COL15A1: variants seen among roughly 807,000 people sequenced by gnomAD.
COL15A1 encodes collagen alpha-1(XV) chain.
A neutral mutation model predicts 165.9 loss-of-function variants in COL15A1; 111 were observed. The ratio of observed to expected loss-of-function variants is 0.67; its 90% CI spans 0.57 to 0.78. The LOEUF (loss-of-function observed/expected upper bound fraction) is 0.78. COL15A1 is among the 30% of genes least tolerant of loss of function. The probability of loss-of-function intolerance (pLI) is 0.00; values close to 1 mark genes in which losing one functional copy is unlikely to be tolerated. For synonymous variants in COL15A1, 659 were observed against 674.8 expected, an observed-to-expected ratio of 0.98 and a Z score of 0.36; for missense variants, 1,745 against 1,789.7, an observed-to-expected ratio of 0.98 and a Z score of 0.45.
chr9:99,043,591 C>T (rs1196529901), intron 24 of COL15A1, among the ~76,000 whole-genome samples: 1 of 152,128 alleles, frequency 6.6e-6, no homozygotes, highest in East Asian at 1.9e-4. Flanking sequence ...CTGGCGTGCT[C>T]AGGACTACCT....
At chr9:99,047,672 C>T in intron 26 of COL15A1, 114 bp from the exon 27 acceptor site, 1 of 1,101,500 alleles carries the variant, frequency 9.1e-7, no homozygotes, top group Non-Finnish European at 1.4e-6. Flanking sequence ...TGCCCTCCTT[C>T]CTCCTGTCAG....
chr9:99,070,693 G>T lies in COL15A1; in HGVS notation c.*807G>T, dbSNP rs1026369221. The T allele has an allele frequency of 3.9e-5, 17 of 433,272 alleles. No individual in the cohort carries two copies. The Admixed American group carries it at 4.5e-4, about 12-fold the overall frequency. 26.8% of individuals were successfully genotyped at this position (433,272 alleles called of 1,614,324 possible). A position where few individuals can be genotyped will look rare whatever the true frequency, so the allele number is the denominator to read the frequency against. On this transcript the variant is annotated 3_prime_UTR_variant, in exon 42 of 42. Coordinates refer to ENST00000375001, the MANE Select transcript of COL15A1 (RefSeq NM_001855.5). ...CTGAAACAAACAGGTTCATAGAGAT[G>T]AATTTTCTGAGAAACATATATCTAC... is the stretch of plus-strand genomic sequence containing the variant.
chr9:99,030,309 T>C (rs951924289), intron 16 of COL15A1, among the ~76,000 whole-genome samples: 4 of 152,214 alleles, frequency 2.6e-5, no homozygotes, highest in Non-Finnish European at 4.4e-5. Flanking sequence ...AATTCCAAGA[T>C]TGCATGCATG....
chr9:99,014,944 C>T (rs574249904), intron 9 of COL15A1, among the ~76,000 whole-genome samples: 26 of 152,260 alleles, frequency 1.7e-4, no homozygotes, highest in South Asian at 1.7e-3. Context: ...CATTTATCTC[C>T]GTGAGCAGAG....
chr9:99,000,638 G>A (rs1484620305), intron 6 of COL15A1, among the ~76,000 whole-genome samples: 1 of 152,218 alleles, frequency 6.6e-6, no homozygotes, highest in Non-Finnish European at 1.5e-5. Flanking sequence ...TGAGCGACTT[G>A]CCTGCAGGTG....
chr9:99,015,401 G>C lies in COL15A1; in HGVS notation c.1354-16G>C. On this transcript the variant is annotated splice_polypyrimidine_tract_variant and intron_variant, in intron 9 of 41. Transcript: ENST00000375001. ...TGGGCGAAGGGGCACAGCTCCTCAT[G>C]CCAATTTCATTTCAGGGTCCAAGCA... is the stretch of plus-strand genomic sequence containing the variant. The C allele has an allele frequency of 3.1e-6, 5 of 1,598,140 alleles. No homozygotes were observed. Among genetic ancestry groups the C allele is most frequent in the Non-Finnish European group, 4.3e-6 (5 of 1,166,838 alleles).
chr9:98,987,536 C>G (rs72737269), intron 4 of COL15A1, among the ~76,000 whole-genome samples, 168 bp downstream of exon 4: 1 of 152,288 alleles, frequency 6.6e-6, no homozygotes, highest in Non-Finnish European at 1.5e-5. Flanking sequence ...TTTTAAAGAG[C>G]ATCAGCCATC....
intron 2 of COL15A1, among the ~76,000 whole-genome samples, chr9:98,970,304 A>T (rs1838025543): frequency 6.6e-6 from 1 of 152,252 alleles, no homozygotes; most frequent in Non-Finnish European, 1.5e-5. Context: ...AGCTTCCAAT[A>T]GAGGGATCGT....
chr9:98,961,552 C>T (rs1436188418), intron 2 of COL15A1, among the ~76,000 whole-genome samples: 1 of 152,154 alleles, frequency 6.6e-6, no homozygotes, highest in African/African-American at 2.4e-5. Context: ...GAAGAGACAG[C>T]CTGAATGTGG....
intron 2 of COL15A1, among the ~76,000 whole-genome samples, chr9:98,946,169 T>C (rs1837581062): frequency 6.6e-6 from 1 of 152,226 alleles, no homozygotes. Flanking sequence ...GGTGTGAACA[T>C]GTTCATATTT....
intron 5 of COL15A1, 77 bp downstream of exon 5, chr9:98,989,335 TC>T (rs1838376615): frequency 3.3e-6 from 4 of 1,199,362 alleles, no homozygotes; most frequent in Non-Finnish European, 4.8e-6. Flanking sequence ...GGGCCCAGAG[TC>T]CTGGGTCTGA....
At chr9:99,016,364 T>C (rs576652230) in intron 11 of COL15A1, among the ~76,000 whole-genome samples, 1 of 152,284 alleles carries the variant, frequency 6.6e-6, no homozygotes, top group East Asian at 1.9e-4. Context: ...GATCTTTGGA[T>C]TGAAATGAGA....
intron 26 of COL15A1, among the ~76,000 whole-genome samples, chr9:99,046,152 G>T (rs1041635662): frequency 6.6e-6 from 1 of 152,220 alleles, no homozygotes; most frequent in Admixed American, 6.5e-5. Flanking sequence ...GGTTCCTACT[G>T]AAGCCCAGCT....
intron 2 of COL15A1, among the ~76,000 whole-genome samples, chr9:98,967,960 T>C (rs1405359815): frequency 6.6e-6 from 1 of 151,950 alleles, no homozygotes; most frequent in East Asian, 1.9e-4. Context: ...CTCGAGAATC[T>C]GCATCTCTAA....
At chr9:99,033,834 A>G (rs1839251121) in intron 16 of COL15A1, among the ~76,000 whole-genome samples, 1 of 152,042 alleles carries the variant, frequency 6.6e-6, no homozygotes, top group South Asian at 2.1e-4. Flanking sequence ...GAGATTCTCC[A>G]TCTGGGGGCC....
chr9:98,945,497 C>A (rs916611032), intron 2 of COL15A1, among the ~76,000 whole-genome samples: 16 of 151,632 alleles, frequency 1.1e-4, no homozygotes, highest in African/African-American at 3.6e-4. Context: ...AATAAGGGAA[C>A]AGAAAGTCTA....
chr9:98,997,143 C>G (rs2118926017), intron 6 of COL15A1, 62 bp downstream of exon 6: 1 of 1,593,154 alleles, frequency 6.3e-7, no homozygotes, highest in Non-Finnish European at 8.6e-7. Flanking sequence ...ATGTGTCCAG[C>G]CGGGGCCATG....
chr9:98,999,857 GT>G (rs201063548), intron 6 of COL15A1, among the ~76,000 whole-genome samples: 22,395 of 133,898 alleles, frequency 0.17, 1,542 homozygotes, highest in East Asian at 0.36. Context: ...ATCCATTTGC[GT>G]TTTTTTTTTT....
chr9:99,015,275 T>C, intron 9 of COL15A1, 142 bp from the exon 10 acceptor site: 1 of 651,442 alleles, frequency 1.5e-6, no homozygotes, highest in South Asian at 1.8e-5. Context: ...GGCGAAGGTG[T>C]GGTCCTGGAG....
Sources: allele counts gnomAD v4.1 joint callset (sites outside exome capture counted in the v4.1 genomes callset), GRCh38; gene constraint gnomAD v4.1.1; transcripts MANE v1.5; gene names NCBI Gene and HGNC (gene_info 2026-07-23, HGNC 2026-07-21).